SNTB1: variants seen among roughly 807,000 people sequenced by gnomAD.
The protein encoded by SNTB1 is beta-1-syntrophin.
Under a neutral mutation model 48.9 loss-of-function variants are expected in SNTB1, and 36 were observed. The observed-to-expected ratio is 0.74, with a 90% CI of 0.56 to 0.97. The LOEUF is 0.97. SNTB1 is among the 50% of genes least tolerant of loss of function. The pLI, the probability that SNTB1 is intolerant of heterozygous loss-of-function variation, is 0.00. For synonymous variants in SNTB1, 299 were observed against 294.6 expected (o/e 1.01, Z -0.15); for missense variants, 786 against 703.4 (o/e 1.12, Z -1.33).
intron 1 of SNTB1, among the ~76,000 whole-genome samples, chr8:120,771,171 GCT>G (rs952751956): frequency 5.3e-5 from 8 of 152,212 alleles, no homozygotes; most frequent in Admixed American, 3.9e-4. Context: ...AAGGGAAACT[GCT>G]CTGTCCCAGA....
intron 1 of SNTB1, among the ~76,000 whole-genome samples, chr8:120,764,001 A>T (rs1819473066): frequency 6.6e-6 from 1 of 152,214 alleles, no homozygotes; most frequent in Non-Finnish European, 1.5e-5. Flanking sequence ...AACTGCCATA[A>T]TACTTATGGA....
intron 2 of SNTB1, among the ~76,000 whole-genome samples, chr8:120,633,521 C>G (rs1325849491): frequency 6.6e-6 from 1 of 152,142 alleles, no homozygotes. Context: ...TGGAGAATTG[C>G]TTGAACCCGG....
intron 1 of SNTB1, among the ~76,000 whole-genome samples, chr8:120,723,647 A>T (rs2129956259): frequency 6.6e-6 from 1 of 152,304 alleles, no homozygotes; most frequent in South Asian, 2.1e-4. Flanking sequence ...ACTGGTTCAG[A>T]TAGATAGGCG....
chr8:120,760,297 C>CAAAAAA (rs77673399), intron 1 of SNTB1, among the ~76,000 whole-genome samples: 4 of 69,242 alleles, frequency 5.8e-5, no homozygotes, highest in African/African-American at 8.5e-5. Context: ...AGAAACAAGC[C>CAAAAAA]AAAAAAAAAA....
At chr8:120,606,602 C>T (rs1406492790) in intron 3 of SNTB1, among the ~76,000 whole-genome samples, 2 of 151,940 alleles carry the variant, frequency 1.3e-5, no homozygotes, top group Non-Finnish European at 2.9e-5. Context: ...AATTTCCACC[C>T]GCAGGTACAA....
chr8:120,725,575 CTTTG>C (rs941910685), intron 1 of SNTB1, among the ~76,000 whole-genome samples: 2 of 152,140 alleles, frequency 1.3e-5, no homozygotes, highest in Non-Finnish European at 2.9e-5. Context: ...AAGCCACTTT[CTTTG>C]TTTGTTTGTT....
intron 2 of SNTB1, chr8:120,637,440 T>C (rs1250164430): frequency 2.5e-5 from 5 of 198,330 alleles, no homozygotes; most frequent in Non-Finnish European, 4.2e-5. Flanking sequence ...TGTACCTTCA[T>C]ATTAAAAGGC....
At chr8:120,621,977 G>A (rs1816800451) in intron 3 of SNTB1, among the ~76,000 whole-genome samples, 1 of 152,124 alleles carries the variant, frequency 6.6e-6, no homozygotes, top group South Asian at 2.1e-4. Flanking sequence ...ATCATTTTCT[G>A]GCTAACATCA....
intron 2 of SNTB1, among the ~76,000 whole-genome samples, chr8:120,680,673 G>A (rs1228004006): frequency 5.3e-5 from 8 of 152,160 alleles, no homozygotes. Flanking sequence ...ATGCCTGCAT[G>A]ATAGCATTGG....
chr8:120,738,545 T>TTTCCTTCCTTAC (rs1554583301), intron 1 of SNTB1, among the ~76,000 whole-genome samples: 1 of 135,728 alleles, frequency 7.4e-6, no homozygotes, highest in African/African-American at 3.0e-5. Context: ...TCCTTCCTTC[T>TTTCCTTCCTTAC]TTCCTTCCTT....
At chr8:120,627,553 T>C (rs1269821916) in intron 3 of SNTB1, among the ~76,000 whole-genome samples, 1 of 152,210 alleles carries the variant, frequency 6.6e-6, no homozygotes, top group African/African-American at 2.4e-5. Context: ...AGAGAATGTC[T>C]TCTTGTTTTT....
At chr8:120,555,296 C>T (rs942688811) in intron 4 of SNTB1, among the ~76,000 whole-genome samples, 9 of 152,248 alleles carry the variant, frequency 5.9e-5, no homozygotes, top group Admixed American at 2.0e-4. Context: ...CAGAAAGGAC[C>T]GGTTGGCAGC....
intron 2 of SNTB1, among the ~76,000 whole-genome samples, chr8:120,650,135 G>A (rs963411235): frequency 1.3e-5 from 2 of 152,192 alleles, no homozygotes; most frequent in South Asian, 2.1e-4. Flanking sequence ...CTTCTGCATC[G>A]CTCACGCTGG....
intron 1 of SNTB1, among the ~76,000 whole-genome samples, chr8:120,722,926 G>A (rs552234719): frequency 8.2e-4 from 125 of 152,298 alleles, no homozygotes; most frequent in African/African-American, 2.9e-3. Flanking sequence ...TGTATAAGGT[G>A]TAAGGAAGGG....
At chr8:120,810,007 G>A (rs887941950) in intron 1 of SNTB1, among the ~76,000 whole-genome samples, 6 of 152,162 alleles carry the variant, frequency 3.9e-5, no homozygotes, top group African/African-American at 1.4e-4. Flanking sequence ...GACTCGGTAA[G>A]CAGGAAATTG....
intron 2 of SNTB1, among the ~76,000 whole-genome samples, chr8:120,670,280 T>C (rs1469655173): frequency 6.6e-6 from 1 of 152,198 alleles, no homozygotes; most frequent in Non-Finnish European, 1.5e-5. Flanking sequence ...TGTAATACGA[T>C]GGTTCCATGA....
chr8:120,705,706 A>C (rs1358235530), intron 1 of SNTB1, among the ~76,000 whole-genome samples: 1 of 152,240 alleles, frequency 6.6e-6, no homozygotes, highest in East Asian at 1.9e-4. Flanking sequence ...GCCTAATCCA[A>C]AGACTCCAAT....
Position 120,646,531 on chromosome 8 carries a change from G to T in SNTB1, c.789-13880C>A, listed in dbSNP as rs1817300239. Among the ~76,000 whole-genome samples the T allele has an allele frequency of 3.3e-5, 5 of 150,824 alleles. No homozygotes were observed. In the South Asian group the frequency reaches 8.6e-4, roughly 26 times the overall value. The stretch of plus-strand genomic sequence containing the variant: ...GGATGAAGCCCACTTGATCATGGTG[G>T]ATAAGCTTTTTGATGTGCTGCTGGA... On this transcript the variant is annotated intron_variant, in intron 2 of 6. Transcript: ENST00000517992.
chr8:120,616,717 C>T (rs1015547890), intron 3 of SNTB1, among the ~76,000 whole-genome samples: 22 of 152,150 alleles, frequency 1.4e-4, no homozygotes, highest in African/African-American at 5.1e-4. Context: ...TGCATAAAGC[C>T]ACTTAAAAAA....
Sources: allele counts gnomAD v4.1 joint callset (sites outside exome capture counted in the v4.1 genomes callset), GRCh38; gene constraint gnomAD v4.1.1; transcripts MANE v1.5; gene names NCBI Gene and HGNC (gene_info 2026-07-23, HGNC 2026-07-21).